The following KCTD1 variants were observed in gnomAD, a reference collection of about 807,000 sequenced individuals.
The protein encoded by KCTD1 is BTB/POZ domain-containing protein KCTD1.
A neutral mutation model predicts 66.0 loss-of-function variants in KCTD1; 24 were observed. The ratio of observed to expected loss-of-function variants is 0.36; its 90% confidence interval spans 0.26 to 0.51. The LOEUF (loss-of-function observed/expected upper bound fraction) is 0.51, where lower values mean the gene tolerates loss of function less well. Ranked by LOEUF, KCTD1 falls within the 20% of genes least tolerant of loss-of-function variation. The pLI, the probability that KCTD1 is intolerant of heterozygous loss-of-function variation, is 0.95. For synonymous variants in KCTD1, 511 were observed against 517.2 expected (o/e 0.99, Z 0.16); for missense variants, 943 against 1,205.2 (o/e 0.78, Z 3.22).
intron 1 of KCTD1, among the ~76,000 whole-genome samples, chr18:26,555,066 A>G (rs765593679): frequency 2.0e-5 from 3 of 152,232 alleles, no homozygotes; most frequent in Non-Finnish European, 4.4e-5. Flanking sequence ...TTGGAATACT[A>G]ATTATGGTGG....
rs1263180564 is a variant in KCTD1 at position 26,547,963 on chromosome 18, G to C, written c.574C>G (p.Gln192Glu). The C allele has an allele frequency of 1.3e-6, 2 of 1,541,314 alleles. No individual in the cohort carries two copies. Among genetic ancestry groups the C allele is most frequent in the Non-Finnish European group, 1.7e-6 (2 of 1,146,290 alleles). Residue 192 changes from glutamine to glutamate, a missense_variant, in exon 1 of 5, where the codon CAG (glutamine) becomes GAG (glutamate). Gln to Glu is a conservative substitution (Grantham distance 29, BLOSUM62 2). Coordinates refer to ENST00000580059, the MANE Select transcript of KCTD1 (RefSeq NM_001142730.3). The stretch of plus-strand genomic sequence containing the variant: ...TCCATGGTCTCGAAGTCCGGGCTCT[G>C]CGCCTTCTCGCTCAGGTACTCCCGG... Reference protein sequence around the residue: ...IFREYLSEKAQSPDFETMDKG... With the variant: ...IFREYLSEKAESPDFETMDKG...
chr18:26,605,375 C>T (rs552431046), intron 1 of KCTD1, among the ~76,000 whole-genome samples: 1 of 152,292 alleles, frequency 6.6e-6, no homozygotes, highest in Non-Finnish European at 1.5e-5. Context: ...TGCCATTCCT[C>T]CCTTACACAA....
rs1332860541 is a variant in KCTD1 at position 26,586,485 on chromosome 18, T to C, written c.-16+42662A>G. On this transcript the variant is annotated intron_variant, in intron 1 of 4. Transcript: ENST00000317932. ...TTGAAATTAGGCCAACTAATAACCC[T>C]ACAATGGTCTCTAAGTGTTCAAGTA... is the stretch of plus-strand genomic sequence containing the variant. Among the ~76,000 whole-genome samples the C allele has an allele frequency of 4.6e-5, 7 of 152,168 alleles. No individual in the cohort carries two copies. The East Asian group carries it at 1.3e-3, about 29-fold the overall frequency.
At position 26,454,954 on chromosome 18, in the gene KCTD1, A is replaced by ATGTG. The variant is rs1491215310; in HGVS notation, c.*785_*788dup. ...CACTTTAATCCAGCCTCACCCCCAC[A>ATGTG]TGTGTGTTTCACACAGACCTTATTT... On this transcript the variant is annotated 3_prime_UTR_variant, in exon 5 of 5. Coordinates refer to ENST00000580059, the MANE Select transcript of KCTD1 (RefSeq NM_001142730.3). The ATGTG allele has an allele frequency of 6.6e-6, 1 of 152,580 alleles. No individual in the cohort carries two copies. Among genetic ancestry groups the ATGTG allele is most frequent in the African/African-American group, 2.4e-5 (1 of 41,430 alleles). 9.5% of individuals were successfully genotyped at this position (152,580 alleles called of 1,614,324 possible).
At chr18:26,599,597 T>G in intron 1 of KCTD1, 1 of 1,497,212 alleles carries the variant, frequency 6.7e-7, no homozygotes, top group Non-Finnish European at 9.3e-7. Flanking sequence ...CATTATTTTG[T>G]CGGGTTTAGT....
intron 1 of KCTD1, among the ~76,000 whole-genome samples, chr18:26,611,876 T>C (rs1210391153): frequency 6.6e-6 from 1 of 152,206 alleles, no homozygotes; most frequent in Non-Finnish European, 1.5e-5. Context: ...GTTAAGTTAC[T>C]TGGAAACAGT....
upstream of KCTD1, among the ~76,000 whole-genome samples, chr18:26,549,980 G>C (rs773070309): frequency 3.3e-5 from 5 of 152,092 alleles, no homozygotes; most frequent in Non-Finnish European, 7.4e-5. Context: ...GACCTCGGCT[G>C]TTCTCTTAGG....
Position 26,545,740 on chromosome 18 carries a change from T to C in KCTD1, c.1809+988A>G, listed in dbSNP as rs987172022. 3.3e-5 allele frequency: 5 copies of C among 151,824 alleles called. 1 individual carries two copies. The highest frequency in any genetic ancestry group is 4.8e-5 in the African/African-American group (2 of 41,290). The allele number at this position is 151,824 out of a possible 1,614,324, so 9.4% of individuals were successfully genotyped here. A position where few individuals can be genotyped will look rare whatever the true frequency, so the allele number is the denominator to read the frequency against. On this transcript the variant is annotated intron_variant, in intron 1 of 4. Transcript: ENST00000580059. ...GACTAGAGAGTGTCCAAAACATGAA[T>C]ATAACTTTAATAATACTCACGAAAA...
intron 4 of KCTD1, chr18:26,456,186 C>A (rs932394297): frequency 1.7e-5 from 5 of 292,312 alleles, no homozygotes; most frequent in African/African-American, 8.6e-5. Context: ...AGGTTCATGG[C>A]TAGTCAGTGA....
intron 1 of KCTD1, among the ~76,000 whole-genome samples, chr18:26,522,452 C>CTTGA (rs900534984): frequency 6.6e-6 from 1 of 152,190 alleles, no homozygotes; most frequent in African/African-American, 2.4e-5. Context: ...CGCCGACGAC[C>CTTGA]TTGATCTCAG....
rs138777549 is a variant in KCTD1 at position 26,592,042 on chromosome 18, C to T, written c.-16+37105G>A. 1.4e-3 allele frequency among the ~76,000 whole-genome samples: 207 copies of T among 152,240 alleles called. 2 individuals carry two copies. The highest frequency in any genetic ancestry group is 4.9e-3 in the African/African-American group (202 of 41,538). On this transcript the variant is annotated intron_variant, in intron 1 of 4. Transcript: ENST00000317932. ...TGTAAGTAACTACAACTACTAGTTACTTTGTTAGTCTAGTAACAACTTCTG... is the reference window on the plus strand; with the variant it reads ...TGTAAGTAACTACAACTACTAGTTATTTTGTTAGTCTAGTAACAACTTCTG...
chr18:26,467,305 C>T (rs1434652628), intron 3 of KCTD1, among the ~76,000 whole-genome samples: 1 of 151,814 alleles, frequency 6.6e-6, no homozygotes, highest in African/African-American at 2.4e-5. Flanking sequence ...ATTGCTTGAG[C>T]CTAGGAGTTT....
chr18:26,573,029 T>TA (rs972447827), intron 1 of KCTD1, among the ~76,000 whole-genome samples: 2 of 143,474 alleles, frequency 1.4e-5, no homozygotes, highest in African/African-American at 5.2e-5. Context: ...CACCCCCCCC[T>TA]TTTTTTTTTT....
chr18:26,547,247 C>G lies in KCTD1; in HGVS notation c.1290G>C (p.Leu430Phe). 6.4e-7 allele frequency: 1 copy of G among 1,551,648 alleles called. No homozygotes were observed. Among genetic ancestry groups the G allele is most frequent in the East Asian group, 2.4e-5 (1 of 40,916 alleles). The change falls in exon 1 of 5, where the codon TTG (leucine) becomes TTC (phenylalanine). Residue 430 changes from leucine to phenylalanine, a missense_variant. Physicochemically the swap from Leu to Phe is conservative, Grantham distance 22. Transcript: ENST00000580059. ...WYENKAIGKN[L>F]LGTRMQMLSK... is the part of the protein sequence containing the mutation. ...AGAGCATCTGCATCCGAGTGCCTAG[C>G]AAGTTCTTGCCGATGGCTTTGTTCT...
intron 1 of KCTD1, among the ~76,000 whole-genome samples, chr18:26,607,774 C>A (rs568077341): frequency 6.6e-6 from 1 of 151,956 alleles, no homozygotes; most frequent in Non-Finnish European, 1.5e-5. Context: ...TTTTTAAATT[C>A]ATTTACTTTT....
rs865996528 is a variant in KCTD1, at chr18:26,547,648, C to T, written c.889G>A (p.Val297Ile). The part of the protein sequence containing the change: ...ADLRKLYTSS[V>I]FSTNTPFGLL... ...CCGAAGGGCGTGTTGGTGCTGAAGA[C>T]GCTGGAGGTGTACAGCTTGCGCAGG... Residue 297 changes from valine (V) to isoleucine (I), a missense_variant, in exon 1 of 5, where the codon GTC (valine) becomes ATC (isoleucine). Around this residue, in one of 10 missense-constraint regions of KCTD1, gnomAD observed 61 missense variants for 109.6 expected, o/e 0.56. Coordinates refer to ENST00000580059, the MANE Select transcript of KCTD1 (RefSeq NM_001142730.3). 4 of 1,551,530 alleles carry T rather than the reference C, an allele frequency of 2.6e-6. No homozygotes were observed. In the African/African-American group the frequency reaches 4.1e-5, roughly 16 times the overall value.
At chr18:26,623,939 T>G (rs1987444044) in intron 1 of KCTD1, among the ~76,000 whole-genome samples, 1 of 152,190 alleles carries the variant, frequency 6.6e-6, no homozygotes, top group African/African-American at 2.4e-5. Flanking sequence ...ACCAAAATGC[T>G]GATAGTGACA....
At chr18:26,535,880 G>A (rs950715783) in intron 1 of KCTD1, among the ~76,000 whole-genome samples, 2 of 146,798 alleles carry the variant, frequency 1.4e-5, no homozygotes, top group African/African-American at 5.0e-5. Context: ...TTCCCCTTCA[G>A]CTGTGCATAG....
intron 1 of KCTD1, among the ~76,000 whole-genome samples, chr18:26,592,702 C>T (rs1256841885): frequency 2.0e-5 from 3 of 152,296 alleles, no homozygotes; most frequent in Non-Finnish European, 2.9e-5. Flanking sequence ...GGGAAGTGCT[C>T]CAGCTCTGAA....
Sources: gnomAD v4.1 joint callset for allele counts (sites outside exome capture counted in the v4.1 genomes callset) on GRCh38, gnomAD v4.1.1 for gene constraint, gnomAD v4.1.1 regional missense constraint, MANE v1.5 for transcripts, NCBI Gene and HGNC (gene_info 2026-07-23, HGNC 2026-07-21) for gene names.